The following ANGPT1 variants were observed in gnomAD, a reference collection of about 807,000 sequenced individuals.
ANGPT1 encodes angiopoietin-1.
ANGPT1 carries 17 observed loss-of-function variants against 62.2 expected under a neutral mutation model. That is an observed-to-expected ratio of 0.27 (90% confidence interval 0.19 to 0.41). The LOEUF (loss-of-function observed/expected upper bound fraction) is 0.41, where lower values mean the gene tolerates loss of function less well. ANGPT1 is among the 10% of genes least tolerant of loss of function. The pLI is 1.00. For synonymous variants in ANGPT1, 199 were observed against 198.9 expected (o/e 1.00, Z 0.00); for missense variants, 478 against 594.9 (o/e 0.80, Z 2.04).
At chr8:107,394,537 G>A (rs184254780) in intron 1 of ANGPT1, among the ~76,000 whole-genome samples, 52 of 152,212 alleles carry the variant, frequency 3.4e-4, no homozygotes, top group Non-Finnish European at 3.5e-4. Context: ...ATAAGGAGCT[G>A]GGGGGAGGGA....
rs1276518118 is a variant in ANGPT1, at chr8:107,250,080, G to A, written c.*1775C>T. On this transcript the variant is annotated 3_prime_UTR_variant, in exon 9 of 9. Transcript: ENST00000517746. ...AGTATTTTTCTTAACAATGTGAATA[G>A]CTTTATTTTCTCAAATGGAGGAAAC... is the stretch of plus-strand genomic sequence containing the variant. 6.6e-6 allele frequency: 1 copy of A among 152,632 alleles called. No homozygotes were observed. Among genetic ancestry groups the A allele is most frequent in the African/African-American group, 2.4e-5 (1 of 41,568 alleles). The allele number at this position is 152,632 out of a possible 1,614,324, so 9.5% of individuals were successfully genotyped here.
chr8:107,459,287 C>T (rs760471965), intron 1 of ANGPT1, among the ~76,000 whole-genome samples: 38 of 152,048 alleles, frequency 2.5e-4, no homozygotes, highest in South Asian at 1.0e-3. Context: ...CAGTGGCTCA[C>T]GCTTGTAATC....
chr8:107,288,695 A>G (rs1443415786), intron 6 of ANGPT1, among the ~76,000 whole-genome samples: 4 of 152,248 alleles, frequency 2.6e-5, no homozygotes, highest in Non-Finnish European at 4.4e-5. Flanking sequence ...TATTAATTAA[A>G]TCAAATTATT....
chr8:107,310,932 T>TGTGA (rs1277683984), intron 4 of ANGPT1, among the ~76,000 whole-genome samples: 8 of 127,826 alleles, frequency 6.3e-5, no homozygotes, highest in Non-Finnish European at 1.4e-4. Flanking sequence ...TATGTGTTAG[T>TGTGA]GTGAGTGTGT....
chr8:107,419,758 C>A (rs1387140404), intron 1 of ANGPT1, among the ~76,000 whole-genome samples: 3 of 152,114 alleles, frequency 2.0e-5, no homozygotes, highest in African/African-American at 7.2e-5. Context: ...GGACAAACTT[C>A]AACCCAGCCA....
chr8:107,262,812 C>A (rs1284491031), intron 8 of ANGPT1, among the ~76,000 whole-genome samples: 1 of 152,156 alleles, frequency 6.6e-6, no homozygotes, highest in East Asian at 1.9e-4. Context: ...TCCTTTCCTG[C>A]CAGAGCCTAT....
chr8:107,422,421 G>A (rs909411028), intron 1 of ANGPT1, among the ~76,000 whole-genome samples: 1 of 152,098 alleles, frequency 6.6e-6, no homozygotes, highest in African/African-American at 2.4e-5. Context: ...TTGTCCCATA[G>A]TGTTCACAGA....
intron 2 of ANGPT1, among the ~76,000 whole-genome samples, chr8:107,337,549 T>TAAGG (rs1189739500): frequency 6.6e-6 from 1 of 152,206 alleles, no homozygotes; most frequent in Non-Finnish European, 1.5e-5. Flanking sequence ...TCCCTCTCTT[T>TAAGG]ACTCCTTAAG....
chr8:107,290,729 T>C (rs949665918), intron 6 of ANGPT1, among the ~76,000 whole-genome samples: 3 of 152,216 alleles, frequency 2.0e-5, no homozygotes, highest in Admixed American at 6.5e-5. Flanking sequence ...ATCTGATAAA[T>C]GTTTCAAGTT....
chr8:107,365,607 C>A (rs183533758), intron 1 of ANGPT1, among the ~76,000 whole-genome samples: 33 of 152,212 alleles, frequency 2.2e-4, no homozygotes, highest in African/African-American at 7.7e-4. Flanking sequence ...GTCATGATTC[C>A]ATGAGCATTG....
intron 1 of ANGPT1, among the ~76,000 whole-genome samples, chr8:107,415,147 T>C (rs1384089509): frequency 1.3e-5 from 2 of 152,194 alleles, no homozygotes; most frequent in Non-Finnish European, 2.9e-5. Flanking sequence ...GGAGTAGTGC[T>C]AAAATTAGTT....
At chr8:107,252,700 G>C (rs1405881477) in intron 8 of ANGPT1, among the ~76,000 whole-genome samples, 1 of 151,918 alleles carries the variant, frequency 6.6e-6, no homozygotes, top group African/African-American at 2.4e-5. Context: ...TCCAAACTTA[G>C]TAAAAAGAAA....
At chr8:107,371,140 T>A (rs1384563805) in intron 1 of ANGPT1, among the ~76,000 whole-genome samples, 1 of 152,200 alleles carries the variant, frequency 6.6e-6, no homozygotes, top group Non-Finnish European at 1.5e-5. Flanking sequence ...TTTTTATGTA[T>A]GTGTTACATG....
intron 1 of ANGPT1, among the ~76,000 whole-genome samples, chr8:107,426,530 A>T (rs1811047303): frequency 6.6e-6 from 1 of 152,214 alleles, no homozygotes; most frequent in Non-Finnish European, 1.5e-5. Flanking sequence ...ACCTCTCTCC[A>T]TATAATCCTA....
chr8:107,390,446 G>C (rs944141548), intron 1 of ANGPT1, among the ~76,000 whole-genome samples: 1 of 152,184 alleles, frequency 6.6e-6, no homozygotes, highest in African/African-American at 2.4e-5. Flanking sequence ...GCTGAGTACA[G>C]ATACTGAGAT....
chr8:107,491,569 CA>C (rs1205329147), intron 1 of ANGPT1, among the ~76,000 whole-genome samples: 4 of 152,216 alleles, frequency 2.6e-5, no homozygotes, highest in Middle Eastern at 3.4e-3. Flanking sequence ...ATGCAAAGAT[CA>C]GGGGGAAGAA....
intron 1 of ANGPT1, among the ~76,000 whole-genome samples, chr8:107,400,605 G>A (rs1350332163): frequency 6.7e-6 from 1 of 149,234 alleles, no homozygotes; most frequent in Non-Finnish European, 1.5e-5. Context: ...CATTGCCCAA[G>A]CTGGAGTGCA....
intron 1 of ANGPT1, among the ~76,000 whole-genome samples, chr8:107,370,971 TA>T (rs34820719): frequency 0.74 from 109,344 of 146,978 alleles, 41,082 homozygotes; most frequent in East Asian, 0.86. Flanking sequence ...TTGATTTGTT[TA>T]AAAAAAAAAA....
chr8:107,459,070 A>G (rs993220436), intron 1 of ANGPT1, among the ~76,000 whole-genome samples: 3 of 152,106 alleles, frequency 2.0e-5, no homozygotes, highest in South Asian at 2.1e-4. Flanking sequence ...AGAAGGGCTG[A>G]CAGGTATAAC....
Sources: gnomAD v4.1 joint callset for allele counts (sites outside exome capture counted in the v4.1 genomes callset) on GRCh38, gnomAD v4.1.1 for gene constraint, MANE v1.5 for transcripts, NCBI Gene and HGNC (gene_info 2026-07-23, HGNC 2026-07-21) for gene names.